Variants in DACH1 observed in about 807,000 individuals in gnomAD.
DACH1 encodes the protein dachshund family transcription factor 1, also known as dachshund homolog 1.
Under a neutral mutation model 54.2 loss-of-function variants are expected in DACH1, and 12 were observed. The observed-to-expected ratio is 0.22, with a 90% CI of 0.14 to 0.36. The LOEUF is 0.36. DACH1 is among the 10% of genes least tolerant of loss of function. The pLI is 1.00. For missense variants in DACH1, 805 were observed against 929.8 expected, an observed-to-expected ratio of 0.87 and a Z score of 1.75; for synonymous variants, 386 against 366.2, an observed-to-expected ratio of 1.05 and a Z score of -0.62.
In DACH1 at chr13:71,573,023, T is replaced by A. The variant is rs1442999301; in HGVS notation, c.1127-11A>T. 1 of 1,612,500 alleles carries A rather than the reference T, an allele frequency of 6.2e-7. No individual in the cohort carries two copies. The highest frequency in any genetic ancestry group is 2.2e-5 in the East Asian group (1 of 44,814). On this transcript the variant is annotated splice_polypyrimidine_tract_variant and intron_variant, in intron 3 of 10. Transcript: ENST00000613252. ...AAGGAAGTTCCAGTCCTATAAAAAA[T>A]GCACATATATCATCATTGCTCTGGA... is the stretch of plus-strand genomic sequence containing the variant.
At chr13:71,581,168 G>T (rs1022767226) in intron 3 of DACH1, among the ~76,000 whole-genome samples, 12 of 151,690 alleles carry the variant, frequency 7.9e-5, no homozygotes, top group African/African-American at 2.9e-4. Context: ...GTATCATTGT[G>T]GCAATAAAAG....
At chr13:71,679,344 T>C (rs1390576296) in intron 2 of DACH1, among the ~76,000 whole-genome samples, 1 of 152,184 alleles carries the variant, frequency 6.6e-6, no homozygotes, top group Non-Finnish European at 1.5e-5. Context: ...AGTTACTTGA[T>C]GGTGTTAATT....
At chr13:71,543,290 A>G (rs1883252599) in intron 6 of DACH1, among the ~76,000 whole-genome samples, 1 of 152,120 alleles carries the variant, frequency 6.6e-6, no homozygotes, top group Non-Finnish European at 1.5e-5. Context: ...ATCAGCACAC[A>G]TCCCACATTG....
intron 6 of DACH1, among the ~76,000 whole-genome samples, chr13:71,535,072 T>G (rs1330240893): frequency 6.6e-6 from 1 of 151,894 alleles, no homozygotes; most frequent in Admixed American, 6.6e-5. Context: ...CTATGTTTCA[T>G]AAAACTATTT....
At chr13:71,632,430 T>G (rs1419946372) in intron 2 of DACH1, among the ~76,000 whole-genome samples, 1 of 151,606 alleles carries the variant, frequency 6.6e-6, no homozygotes, top group East Asian at 1.9e-4. Context: ...TTTTTTTTTT[T>G]TTTTTTACTG....
At chr13:71,686,389 C>T (rs1881163309) in intron 1 of DACH1, among the ~76,000 whole-genome samples, 1 of 152,164 alleles carries the variant, frequency 6.6e-6, no homozygotes, top group Non-Finnish European at 1.5e-5. Flanking sequence ...CCGCCACACA[C>T]AGACAGATCG....
intron 3 of DACH1, among the ~76,000 whole-genome samples, chr13:71,595,956 A>T: frequency 6.6e-6 from 1 of 152,140 alleles, no homozygotes; most frequent in East Asian, 1.9e-4. Flanking sequence ...ATATGAGAAA[A>T]ATGAAGAATT....
chr13:71,653,454 T>C (rs1167982364), intron 2 of DACH1, among the ~76,000 whole-genome samples: 2 of 152,202 alleles, frequency 1.3e-5, no homozygotes, highest in African/African-American at 4.8e-5. Flanking sequence ...GAAGGCTCTT[T>C]GAATTTTCAG....
chr13:71,617,047 T>C (rs1166310648), intron 3 of DACH1, among the ~76,000 whole-genome samples: 1 of 151,628 alleles, frequency 6.6e-6, no homozygotes, highest in Non-Finnish European at 1.5e-5. Context: ...ACGCCCGGCT[T>C]TATTAGAGAC....
At chr13:71,740,558 G>T (rs577235353) in intron 1 of DACH1, among the ~76,000 whole-genome samples, 23 of 152,198 alleles carry the variant, frequency 1.5e-4, no homozygotes, top group African/African-American at 4.6e-4. Context: ...TCAAGTGATT[G>T]TGCTTCAAAG....
At chr13:71,496,289 A>ATG in intron 6 of DACH1, among the ~76,000 whole-genome samples, 1 of 127,608 alleles carries the variant, frequency 7.8e-6, no homozygotes, top group Admixed American at 8.4e-5. Context: ...ATATATATAT[A>ATG]TATATATATA....
At chr13:71,701,203 A>T (rs1250775562) in intron 1 of DACH1, among the ~76,000 whole-genome samples, 2 of 152,178 alleles carry the variant, frequency 1.3e-5, no homozygotes, top group African/African-American at 4.8e-5. Flanking sequence ...TTTTTAATAA[A>T]TGTTCATATA....
At chr13:71,646,376 C>T (rs1349970861) in intron 2 of DACH1, among the ~76,000 whole-genome samples, 4 of 151,614 alleles carry the variant, frequency 2.6e-5, no homozygotes, top group South Asian at 2.1e-4. Context: ...CTTCTGTAAT[C>T]GTTTTTCTTT....
At chr13:71,861,891 T>C (rs1874380555) in intron 1 of DACH1, among the ~76,000 whole-genome samples, 1 of 139,238 alleles carries the variant, frequency 7.2e-6, no homozygotes, top group Non-Finnish European at 1.5e-5. Context: ...TTGCCATCTT[T>C]ATTAAAACTC....
At chr13:71,815,874 A>T (rs1187689647) in intron 1 of DACH1, among the ~76,000 whole-genome samples, 1 of 152,046 alleles carries the variant, frequency 6.6e-6, no homozygotes, top group Non-Finnish European at 1.5e-5. Flanking sequence ...TCACGAGGTC[A>T]GGAGATCGAG....
intron 2 of DACH1, among the ~76,000 whole-genome samples, chr13:71,651,443 C>A (rs1878658730): frequency 6.6e-6 from 1 of 151,856 alleles, no homozygotes; most frequent in South Asian, 2.1e-4. Context: ...TGAGTGGGTT[C>A]TAACTCTGGG....
chr13:71,866,481 C>T lies in DACH1; in HGVS notation c.289G>A (p.Gly97Ser), dbSNP rs943264397. 5 of 1,247,846 alleles carry T rather than the reference C, an allele frequency of 4.0e-6. No individual in the cohort carries two copies. In the African/African-American group the frequency reaches 8.1e-5, roughly 20 times the overall value. 77.3% of individuals were successfully genotyped at this position (1,247,846 alleles called of 1,614,324 possible). A position where few individuals can be genotyped will look rare whatever the true frequency, so the allele number is the denominator to read the frequency against. Reference protein sequence around the residue: ...GSSGNGGGGGGGGGGSNCNPN... With the variant: ...GSSGNGGGGGSGGGGSNCNPN... ...TTGCAGTTGCTGCCACCGCCGCCGC[C>T]GCCACCGCCGCCTCCGTTGCCGCTG... The change falls in exon 1 of 11, where the codon GGC becomes AGC. Residue 97 changes from glycine to serine, a missense_variant. Coordinates refer to ENST00000613252, the MANE Select transcript of DACH1 (RefSeq NM_080759.6).
chr13:71,767,577 C>T (rs1885691951), intron 1 of DACH1, among the ~76,000 whole-genome samples: 2 of 148,204 alleles, frequency 1.3e-5, no homozygotes, highest in East Asian at 4.4e-4. Context: ...ATAGTTCAAA[C>T]AATGCCCCCC....
intron 3 of DACH1, among the ~76,000 whole-genome samples, chr13:71,580,268 C>A (rs1419140362): frequency 6.6e-6 from 1 of 152,110 alleles, no homozygotes; most frequent in Admixed American, 6.5e-5. Flanking sequence ...TTTCTTATTG[C>A]CATGTTAATG....
Sources: gnomAD v4.1 joint callset for allele counts (sites outside exome capture counted in the v4.1 genomes callset) on GRCh38, gnomAD v4.1.1 for gene constraint, MANE v1.5 for transcripts, NCBI Gene and HGNC (gene_info 2026-07-23, HGNC 2026-07-21) for gene names.